Variants in TTLL12 observed in about 807,000 individuals in gnomAD.
TTLL12 encodes tubulin tyrosine ligase like 12, also known as tubulin--tyrosine ligase-like protein 12.
A neutral mutation model predicts 79.6 loss-of-function variants in TTLL12; 77 were observed. The observed-to-expected ratio is 0.97, with a 90% CI of 0.81 to 1.17. The LOEUF (loss-of-function observed/expected upper bound fraction) is 1.17, where lower values mean the gene tolerates loss of function less well. Ranked by LOEUF, TTLL12 falls within the 50% of genes most tolerant of loss-of-function variation. TTLL12 has a pLI of 0.00. For missense variants in TTLL12, 969 were observed against 895.9 expected, an observed-to-expected ratio of 1.08 and a Z score of -1.04; for synonymous variants, 437 against 376.1, an observed-to-expected ratio of 1.16 and a Z score of -1.87.
intron 2 of TTLL12, among the ~76,000 whole-genome samples, chr22:43,181,435 C>T (rs1325755534): frequency 6.6e-6 from 1 of 152,228 alleles, no homozygotes; most frequent in South Asian, 2.1e-4. Flanking sequence ...CGCACACAGA[C>T]GGCACAAGGG....
At chr22:43,176,533 C>T in intron 5 of TTLL12, 137 bp from the exon 6 acceptor site, 1 of 707,486 alleles carries the variant, frequency 1.4e-6, no homozygotes. Context: ...AGCTCGAGAC[C>T]AGCCTGGCCA....
intron 9 of TTLL12, among the ~76,000 whole-genome samples, chr22:43,173,228 T>G (rs1413967748): frequency 6.6e-6 from 1 of 152,178 alleles, no homozygotes; most frequent in African/African-American, 2.4e-5. Context: ...GAGAGGCTCC[T>G]TGTCCAGGCT....
At chr22:43,172,066 C>T (rs1298733993) in intron 10 of TTLL12, among the ~76,000 whole-genome samples, 166 bp from the exon 11 acceptor site, 1 of 152,226 alleles carries the variant, frequency 6.6e-6, no homozygotes, top group Non-Finnish European at 1.5e-5. Context: ...GGGGGAGCCC[C>T]ACAGCCCCAC....
At chr22:43,180,047 C>A (rs1444007358) in intron 3 of TTLL12, 47 bp from the exon 4 acceptor site, 1 of 1,520,690 alleles carries the variant, frequency 6.6e-7, no homozygotes, top group Non-Finnish European at 8.8e-7. Flanking sequence ...CATCCACCCA[C>A]CGGAACTCCC....
In TTLL12 at chr22:43,168,904, G is replaced by A; in HGVS notation, c.1653C>T (p.Ile551=). ...GGAACAGCTCCGTGAAGGCCCGGAA[G>A]ATCTCAGCCTGGGGACCGGGGAGCC... ...EFPWTDVQAE[I]FRAFTELFQV... The change falls in exon 13 of 14, where the codon ATC becomes ATT. Residue 551 remains isoleucine, a synonymous_variant. Transcript: ENST00000216129. The A allele has an allele frequency of 6.2e-7, 1 of 1,610,226 alleles. No homozygotes were observed. Among genetic ancestry groups the A allele is most frequent in the Non-Finnish European group, 8.5e-7 (1 of 1,178,306 alleles).
chr22:43,167,826 A>G lies in TTLL12; in HGVS notation c.*182T>C. ...ACTGTCCTGCTCTGACCCACAGGTG[A>G]GAGGAGGATGCTGTGCTCCCGGAGT... is the stretch of plus-strand genomic sequence containing the variant. On this transcript the variant is annotated 3_prime_UTR_variant, in exon 14 of 14. Coordinates refer to ENST00000216129, the MANE Select transcript of TTLL12 (RefSeq NM_015140.4). 1.5e-6 allele frequency: 1 copy of G among 671,524 alleles called. No homozygotes were observed. Among genetic ancestry groups the G allele is most frequent in the Non-Finnish European group, 2.5e-6 (1 of 402,958 alleles). 41.6% of individuals were successfully genotyped at this position (671,524 alleles called of 1,614,324 possible). A position where few individuals can be genotyped will look rare whatever the true frequency, so the allele number is the denominator to read the frequency against.
chr22:43,174,827 C>A lies in TTLL12; in HGVS notation c.918-212G>T, dbSNP rs564155069. 2.2e-3 allele frequency among the ~76,000 whole-genome samples: 338 copies of A among 152,334 alleles called. 1 individual carries two copies. Among genetic ancestry groups the A allele is most frequent in the African/African-American group, 7.9e-3 (329 of 41,580 alleles). ...GGGGCGCAACCTGTACCCTTGTGAC[C>A]CCTGGTTCCCCATCCGCAGGACTGG... On this transcript the variant is annotated intron_variant, in intron 6 of 13. Transcript: ENST00000216129.
chr22:43,173,413 T>C lies in TTLL12; in HGVS notation c.1341+302A>G, dbSNP rs1931815902. ...GCAGCCTCAACCTCCCGGGCTCAAGTGATCCTCCTGCCTTAGCCTCCTGAG... is the reference window on the plus strand; with the variant it reads ...GCAGCCTCAACCTCCCGGGCTCAAGCGATCCTCCTGCCTTAGCCTCCTGAG... On this transcript the variant is annotated intron_variant, in intron 9 of 13. Transcript: ENST00000216129. Among the ~76,000 whole-genome samples the C allele has an allele frequency of 2.0e-5, 3 of 152,276 alleles. No homozygotes were observed. The South Asian group carries it at 6.2e-4, about 32-fold the overall frequency.
intron 11 of TTLL12, 148 bp from the exon 12 acceptor site, chr22:43,169,716 C>T (rs1931716202): frequency 1.3e-6 from 1 of 742,176 alleles, no homozygotes; most frequent in Admixed American, 2.0e-5. Context: ...AGGGTCCAAA[C>T]AGGAGGCAGG....
intron 1 of TTLL12, chr22:43,185,859 C>T (rs955982263): frequency 4.2e-6 from 3 of 708,440 alleles, no homozygotes; most frequent in African/African-American, 3.9e-5. Context: ...CCCTTCCACC[C>T]AGCACAGGCC....
In TTLL12 at chr22:43,186,982, C is replaced by T. The variant is rs760372815; in HGVS notation, c.88G>A (p.Glu30Lys). 2.1e-5 allele frequency: 27 copies of T among 1,294,268 alleles called. 1 individual carries two copies. The South Asian group carries it at 3.4e-4, about 16-fold the overall frequency. 80.2% of individuals were successfully genotyped at this position (1,294,268 alleles called of 1,614,324 possible). A position where few individuals can be genotyped will look rare whatever the true frequency, so the allele number is the denominator to read the frequency against. The change falls in exon 1 of 14, where the codon GAG becomes AAG. Residue 30 changes from glutamate (E) to lysine (K), a missense_variant. By Grantham distance (56) the Glu-to-Lys change is moderately conservative (BLOSUM62 1). Coordinates refer to ENST00000216129, the MANE Select transcript of TTLL12 (RefSeq NM_015140.4). ...GCCGGGCCGTGCAGCGCCGCGAACT[C>T]GGCCAAGGCCTGCGCGCCCTCCTCC... ...TPEEGAQALA[E>K]FAALHGPALR...
chr22:43,172,840 G>C (rs1442960466), intron 9 of TTLL12, among the ~76,000 whole-genome samples: 1 of 152,006 alleles, frequency 6.6e-6, no homozygotes, highest in Non-Finnish European at 1.5e-5. Context: ...TGGGATTACA[G>C]GTGCCCGCCA....
rs1931855470 is a variant in TTLL12 at position 43,174,574 on chromosome 22, T to A, written c.959A>T (p.His320Leu). The A allele has an allele frequency of 1.2e-6, 2 of 1,612,960 alleles. No homozygotes were observed. The highest frequency in any genetic ancestry group is 1.7e-6 in the Non-Finnish European group (2 of 1,179,718). ...DVQQVASSLT[H>L]PRFTLTQSEA... ...ACTCTGGGTGAGGGTGAAGCGCGGG[T>A]GGGTGAGGCTGCTGGCCACCTGCTG... Residue 320 changes from histidine to leucine, a missense_variant, in exon 7 of 14, where the codon CAC becomes CTC. Transcript: ENST00000216129.
At chr22:43,176,521 G>C in intron 5 of TTLL12, 125 bp from the exon 6 acceptor site, 1 of 763,288 alleles carries the variant, frequency 1.3e-6, no homozygotes. Flanking sequence ...CGTGATGTCA[G>C]GAGCTCGAGA....
At chr22:43,186,722 C>T (rs576200036) in intron 1 of TTLL12, among the ~76,000 whole-genome samples, 171 bp downstream of exon 1, 64 of 152,288 alleles carry the variant, frequency 4.2e-4, no homozygotes, top group African/African-American at 1.5e-3. Flanking sequence ...CGGTCTCCTG[C>T]TGTCACTCTT....
At chr22:43,176,437 A>T (rs367687994) in intron 5 of TTLL12, 41 bp from the exon 6 acceptor site, 41 of 1,533,740 alleles carry the variant, frequency 2.7e-5, no homozygotes, top group Non-Finnish European at 3.7e-5. Context: ...AGGTCAAGGA[A>T]GGGAGGGAAA....
chr22:43,167,546 C>T lies in TTLL12; in HGVS notation c.*462G>A. The T allele has an allele frequency of 1.1e-5, 2 of 188,688 alleles. No individual in the cohort carries two copies. The highest frequency in any genetic ancestry group is 9.2e-5 in the South Asian group (1 of 10,896). The allele number at this position is 188,688 out of a possible 1,614,324, so 11.7% of individuals were successfully genotyped here. ...CGTCCTGATGCATAAGAGCAGAGAC[C>T]CCGGAAGAGAAACCCGCCTGCCCCG... On this transcript the variant is annotated 3_prime_UTR_variant, in exon 14 of 14. Transcript: ENST00000216129.
At chr22:43,181,916 A>C (rs1601775859) in intron 2 of TTLL12, among the ~76,000 whole-genome samples, 1 of 150,004 alleles carries the variant, frequency 6.7e-6, no homozygotes, top group African/African-American at 2.4e-5. Context: ...CAAGTGCAAC[A>C]AGGGGTGTTG....
chr22:43,169,497 T>C lies in TTLL12; in HGVS notation c.1644+3A>G, dbSNP rs1410102893. ...CTGCGATGGTGTGCAGGACAGGAAT[T>C]ACCTGGACGTCCGTCCAGGGAAATT... On this transcript the variant is annotated splice_donor_region_variant and intron_variant, in intron 12 of 13. Transcript: ENST00000216129. 1.9e-6 allele frequency: 3 copies of C among 1,592,388 alleles called. No individual in the cohort carries two copies. Among genetic ancestry groups the C allele is most frequent in the African/African-American group, 1.3e-5 (1 of 74,386 alleles).
Sources: allele counts gnomAD v4.1 joint callset (sites outside exome capture counted in the v4.1 genomes callset), GRCh38; gene constraint gnomAD v4.1.1; transcripts MANE v1.5; gene names NCBI Gene and HGNC (gene_info 2026-07-23, HGNC 2026-07-21).